The following RIMS1 variants were observed in gnomAD, a reference collection of about 807,000 sequenced individuals.
RIMS1 encodes regulating synaptic membrane exocytosis 1.
A neutral mutation model predicts 214.1 loss-of-function variants in RIMS1; 83 were observed. That is an observed-to-expected ratio of 0.39 (90% CI 0.32 to 0.47). The LOEUF is 0.47. RIMS1 is among the 20% of genes least tolerant of loss of function. The pLI is 0.99. For missense variants in RIMS1, 2,050 were observed against 2,161.8 expected (o/e 0.95, Z 1.03); for synonymous variants, 793 against 786.8 (o/e 1.01, Z -0.13).
chr6:72,182,819 C>T lies in RIMS1; in HGVS notation c.1348C>T (p.Pro450Ser). The change falls in exon 6 of 34, where the codon CCG becomes TCG. Residue 450 changes from proline (P) to serine (S), a missense_variant. This residue lies in a region of RIMS1 where 882 missense variants were observed against 828.9 expected (regional missense o/e 1.06). Transcript: ENST00000521978. ...GAKQLTNHSP[P>S]APRHGPVPAE... ...CAAGCAGCTAACGAACCACAGCCCG[C>T]CGGCGCCCAGACATGGGCCGGTTCC... is the stretch of plus-strand genomic sequence containing the variant. 6.5e-7 allele frequency: 1 copy of T among 1,549,886 alleles called. No individual in the cohort carries two copies. Among genetic ancestry groups the T allele is most frequent in the Non-Finnish European group, 8.7e-7 (1 of 1,150,270 alleles).
At chr6:71,941,451 A>G (rs1376459627) in intron 1 of RIMS1, among the ~76,000 whole-genome samples, 2 of 152,130 alleles carry the variant, frequency 1.3e-5, no homozygotes, top group Non-Finnish European at 2.9e-5. Flanking sequence ...TTCACATTCC[A>G]TGTTTTATTT....
At chr6:71,951,234 T>C (rs1789416571) in intron 1 of RIMS1, among the ~76,000 whole-genome samples, 1 of 152,204 alleles carries the variant, frequency 6.6e-6, no homozygotes, top group East Asian at 1.9e-4. Flanking sequence ...ACTTGTTTTC[T>C]TTAATTATTT....
chr6:72,295,571 C>A (rs1376507001), intron 26 of RIMS1, among the ~76,000 whole-genome samples: 1 of 150,606 alleles, frequency 6.6e-6, no homozygotes, highest in Admixed American at 6.6e-5. Context: ...AAATGCTTTT[C>A]CAAAAAAAAT....
intron 2 of RIMS1, among the ~76,000 whole-genome samples, chr6:71,995,600 CAT>C (rs1000725988): frequency 6.6e-6 from 1 of 151,926 alleles, no homozygotes; most frequent in Non-Finnish European, 1.5e-5. Context: ...AACAAAAGCT[CAT>C]AGACTCAGTG....
chr6:71,992,415 T>TTTCTTTCTTTCC (rs1294710528), intron 2 of RIMS1, among the ~76,000 whole-genome samples: 3 of 73,090 alleles, frequency 4.1e-5, no homozygotes, highest in African/African-American at 1.9e-4. Context: ...TCTTTCTTTC[T>TTTCTTTCTTTCC]TTCTTTCTTT....
intron 23 of RIMS1, among the ~76,000 whole-genome samples, chr6:72,275,018 G>C (rs1295898157): frequency 6.7e-6 from 1 of 150,368 alleles, no homozygotes; most frequent in African/African-American, 2.4e-5. Flanking sequence ...TCAGTGCTTT[G>C]AATCCACTTT....
chr6:71,939,600 T>C (rs1402817696), intron 1 of RIMS1, among the ~76,000 whole-genome samples: 2 of 152,152 alleles, frequency 1.3e-5, no homozygotes, highest in South Asian at 2.1e-4. Context: ...CTGCATCTGG[T>C]TAAGGGCCTT....
chr6:71,931,477 A>C (rs985853220), intron 1 of RIMS1, among the ~76,000 whole-genome samples: 2 of 152,090 alleles, frequency 1.3e-5, no homozygotes, highest in Non-Finnish European at 2.9e-5. Flanking sequence ...GTGTCATTCA[A>C]GGAAAGATAG....
At chr6:72,379,235 A>T in intron 29 of RIMS1, among the ~76,000 whole-genome samples, 1 of 152,250 alleles carries the variant, frequency 6.6e-6, no homozygotes, top group East Asian at 1.9e-4. Flanking sequence ...CCCAGTGGTC[A>T]TCCCAGTCTG....
intron 1 of RIMS1, among the ~76,000 whole-genome samples, chr6:71,905,948 C>A (rs557582969): frequency 1.3e-5 from 2 of 152,254 alleles, no homozygotes; most frequent in South Asian, 4.1e-4. Flanking sequence ...GAGTTTTACA[C>A]AACCATCTAA....
At chr6:72,218,597 A>G (rs988150118) in intron 6 of RIMS1, among the ~76,000 whole-genome samples, 6 of 152,184 alleles carry the variant, frequency 3.9e-5, no homozygotes, top group Non-Finnish European at 5.9e-5. Context: ...AAATTGAACA[A>G]TGTGCTTACA....
intron 2 of RIMS1, among the ~76,000 whole-genome samples, chr6:72,025,573 A>C (rs1210212099): frequency 6.6e-6 from 1 of 152,242 alleles, no homozygotes; most frequent in African/African-American, 2.4e-5. Context: ...CACATAGTGC[A>C]CACAGTTGCA....
chr6:72,379,272 A>C (rs954810624), intron 29 of RIMS1, among the ~76,000 whole-genome samples: 5 of 152,216 alleles, frequency 3.3e-5, no homozygotes, highest in African/African-American at 1.2e-4. Flanking sequence ...CCTTTATGTC[A>C]GAGGACTAGG....
At chr6:72,013,616 T>G (rs1362867721) in intron 2 of RIMS1, among the ~76,000 whole-genome samples, 1 of 152,198 alleles carries the variant, frequency 6.6e-6, no homozygotes, top group Non-Finnish European at 1.5e-5. Flanking sequence ...GTGACGTTTA[T>G]AAGGCTAGGT....
chr6:72,041,258 A>G (rs1401803021), intron 2 of RIMS1, among the ~76,000 whole-genome samples: 1 of 151,996 alleles, frequency 6.6e-6, no homozygotes, highest in African/African-American at 2.4e-5. Flanking sequence ...GCCATGAAGA[A>G]AAACCTGAAT....
At chr6:72,083,561 C>T (rs1833935250) in intron 2 of RIMS1, among the ~76,000 whole-genome samples, 1 of 152,084 alleles carries the variant, frequency 6.6e-6, no homozygotes, top group Non-Finnish European at 1.5e-5. Flanking sequence ...TCCCCATCTG[C>T]CAGGAAATCC....
At chr6:71,963,599 A>G (rs893798074) in intron 1 of RIMS1, among the ~76,000 whole-genome samples, 1 of 152,214 alleles carries the variant, frequency 6.6e-6, no homozygotes, top group Non-Finnish European at 1.5e-5. Flanking sequence ...TCAAAGCAGT[A>G]ATTGGATATT....
chr6:72,168,483 G>C (rs1366258060), intron 4 of RIMS1, among the ~76,000 whole-genome samples: 1 of 152,140 alleles, frequency 6.6e-6, no homozygotes, highest in African/African-American at 2.4e-5. Flanking sequence ...TTAGTTTGGG[G>C]TGGGCTGTCC....
At chr6:72,207,837 A>G (rs531363666) in intron 6 of RIMS1, among the ~76,000 whole-genome samples, 9 of 152,342 alleles carry the variant, frequency 5.9e-5, no homozygotes, top group Non-Finnish European at 1.2e-4. Context: ...ATTCATAAAG[A>G]TAACATTTTT....
Sources: gnomAD v4.1 joint callset for allele counts (sites outside exome capture counted in the v4.1 genomes callset) on GRCh38, gnomAD v4.1.1 for gene constraint, gnomAD v4.1.1 regional missense constraint, MANE v1.5 for transcripts, NCBI Gene and HGNC (gene_info 2026-07-23, HGNC 2026-07-21) for gene names.